Variants in DMD observed in about 807,000 individuals in gnomAD.
DMD encodes the protein mutant dystrophin.
Under a neutral mutation model 330.1 loss-of-function variants are expected in DMD, and 63 were observed. The ratio of observed to expected loss-of-function variants is 0.19; its 90% CI spans 0.16 to 0.24. The LOEUF (loss-of-function observed/expected upper bound fraction) is 0.24, where lower values mean the gene tolerates loss of function less well. Among genes scored for constraint, DMD ranks in the 10% least tolerant of loss-of-function variants. The pLI, the probability that DMD is intolerant of heterozygous loss-of-function variation, is 1.00. For missense variants in DMD, 3,344 were observed against 2,684.1 expected (o/e 1.25, Z -5.43); for synonymous variants, 1,223 against 959.8 (o/e 1.27, Z -5.07).
chrX:31,173,726 T>C, intron 71 of DMD, 122 bp from the exon 72 acceptor site: 3 of 504,181 alleles, frequency 6.0e-6, no homozygotes, highest in Non-Finnish European at 9.8e-6. Context: ...GGATAATGTA[T>C]ACATTTAGTT....
intron 49 of DMD, among the ~76,000 whole-genome samples, chrX:31,829,453 T>A (rs1189408018): frequency 2.0e-5 from 2 of 97,875 alleles, no homozygotes; most frequent in African/African-American, 8.3e-5. Context: ...AAATTAAAAA[T>A]AAAAAAAAAT....
intron 1 of DMD, among the ~76,000 whole-genome samples, chrX:33,198,294 C>G (rs9724124): frequency 0.089 from 9,846 of 110,053 alleles, 1,128 homozygotes; most frequent in African/African-American, 0.31. Context: ...TTTTAGTGCT[C>G]AGTTTTGAGT....
chrX:31,415,060 C>G (rs1431301952), intron 60 of DMD, among the ~76,000 whole-genome samples: 3 of 112,167 alleles, frequency 2.7e-5, no homozygotes, highest in Non-Finnish European at 5.6e-5. Context: ...CAGAAAGGCA[C>G]TCTTTAAGAG....
chrX:33,276,550 T>A lies in DMD; in HGVS notation c.7+62709A>T, dbSNP rs368591611. ...CATTAATTTGAACATCTGACATAAG[T>A]TAGACTAGTATTTTTCAAGTTGTAT... On this transcript the variant is annotated intron_variant, in intron 1 of 17. Coordinates refer to the DMD transcript ENST00000288447. Among the ~76,000 whole-genome samples the A allele has an allele frequency of 1.4e-4, 16 of 111,348 alleles. No individual in the cohort carries two copies. In the South Asian group the frequency reaches 4.9e-3, roughly 34 times the overall value.
chrX:31,510,342 A>G (rs1274587930), intron 55 of DMD, among the ~76,000 whole-genome samples: 2 of 111,097 alleles, frequency 1.8e-5, no homozygotes, highest in Non-Finnish European at 3.8e-5. Context: ...AGCATTGGAT[A>G]TAATACACAG....
At chrX:31,938,224 A>G (rs2094947667) in intron 45 of DMD, among the ~76,000 whole-genome samples, 1 of 111,663 alleles carries the variant, frequency 9.0e-6, no homozygotes, top group Non-Finnish European at 1.9e-5. Flanking sequence ...ATCTTTTAAT[A>G]TTCCATACAT....
chrX:32,394,926 A>AAACAAAC (rs375461154), intron 30 of DMD, among the ~76,000 whole-genome samples: 3 of 101,399 alleles, frequency 3.0e-5, no homozygotes, highest in Admixed American at 1.1e-4. Context: ...CAAAAAAAAA[A>AAACAAAC]AAAAAAAGAA....
At chrX:32,381,535 C>A (rs1049056039) in intron 33 of DMD, among the ~76,000 whole-genome samples, 4 of 111,336 alleles carry the variant, frequency 3.6e-5, no homozygotes, top group African/African-American at 1.3e-4. Context: ...TCAACAAAAG[C>A]CAGATAAATT....
intron 44 of DMD, among the ~76,000 whole-genome samples, chrX:32,067,821 G>A (rs1890522607): frequency 8.9e-6 from 1 of 112,123 alleles, no homozygotes; most frequent in Non-Finnish European, 1.9e-5. Flanking sequence ...AAACATGTGA[G>A]TGCATGTGTC....
chrX:32,420,945 T>A (rs2098187020), intron 29 of DMD, among the ~76,000 whole-genome samples: 1 of 111,564 alleles, frequency 9.0e-6, no homozygotes. Flanking sequence ...AAGGCCAGTG[T>A]TCAGGTTCTC....
chrX:33,247,813 A>T (rs9969892), intron 1 of DMD, among the ~76,000 whole-genome samples: 1,896 of 111,513 alleles, frequency 0.017, 36 homozygotes, highest in African/African-American at 0.059. Flanking sequence ...GTAAATTAAG[A>T]CTGGGTTGCA....
chrX:32,828,876 A>T (rs2078955114), intron 4 of DMD, among the ~76,000 whole-genome samples: 1 of 111,217 alleles, frequency 9.0e-6, no homozygotes, highest in Non-Finnish European at 1.9e-5. Context: ...TTCCTTGTGC[A>T]TTTGAATATA....
At chrX:33,074,240 A>G (rs1391406023) in intron 1 of DMD, among the ~76,000 whole-genome samples, 5 of 111,297 alleles carry the variant, frequency 4.5e-5, no homozygotes, top group Non-Finnish European at 1.9e-5. Flanking sequence ...CTCACTTCCG[A>G]TTTCTACATG....
intron 44 of DMD, among the ~76,000 whole-genome samples, chrX:32,142,116 C>A (rs1344512652): frequency 9.0e-6 from 1 of 110,700 alleles, no homozygotes; most frequent in Non-Finnish European, 1.9e-5. Flanking sequence ...GAGGATGGTG[C>A]AAGGGGGGTA....
chrX:32,969,027 C>CCAAAAAAAAAA (rs2092280100), intron 2 of DMD, among the ~76,000 whole-genome samples: 23 of 19,823 alleles, frequency 1.2e-3, no homozygotes, highest in African/African-American at 3.1e-3. Flanking sequence ...GATTCTGTCT[C>CCAAAAAAAAAA]AAAAAAAAAA....
intron 59 of DMD, among the ~76,000 whole-genome samples, chrX:31,449,813 T>A (rs866671578): frequency 3.1e-5 from 3 of 96,802 alleles, no homozygotes; most frequent in African/African-American, 1.1e-4. Flanking sequence ...GATAGATAGA[T>A]AGAAATCTGG....
intron 6 of DMD, among the ~76,000 whole-genome samples, chrX:32,813,992 G>A (rs2077550375): frequency 9.0e-6 from 1 of 111,631 alleles, no homozygotes; most frequent in South Asian, 3.7e-4. Flanking sequence ...TCAACAAGTA[G>A]AAACATTATC....
At chrX:32,670,314 C>A (rs1295297476) in intron 9 of DMD, among the ~76,000 whole-genome samples, 1 of 111,666 alleles carries the variant, frequency 9.0e-6, no homozygotes, top group Non-Finnish European at 1.9e-5. Context: ...TAGTGTTTGA[C>A]CTTCACATAT....
intron 1 of DMD, among the ~76,000 whole-genome samples, chrX:33,149,569 C>T (rs5972764): frequency 0.06 from 6,661 of 111,475 alleles, 198 homozygotes; most frequent in South Asian, 0.19. Flanking sequence ...CTGAAGATAC[C>T]AGAAACTTAT....
Sources: allele counts gnomAD v4.1 joint callset (sites outside exome capture counted in the v4.1 genomes callset), GRCh38; gene constraint gnomAD v4.1.1; transcripts MANE v1.5; gene names NCBI Gene and HGNC (gene_info 2026-07-23, HGNC 2026-07-21).